The following ELMO1 variants were observed in gnomAD, a reference collection of about 807,000 sequenced individuals.
ELMO1 encodes engulfment and cell motility protein 1.
A neutral mutation model predicts 98.9 loss-of-function variants in ELMO1; 26 were observed. The observed-to-expected ratio is 0.26, with a 90% CI of 0.19 to 0.36. The LOEUF is 0.36. ELMO1 is among the 10% of genes least tolerant of loss of function. The pLI is 1.00. For missense variants in ELMO1, 627 were observed against 935.2 expected (o/e 0.67, Z 4.30); for synonymous variants, 346 against 346.0 (o/e 1.00, Z 0.00).
intron 1 of ELMO1, among the ~76,000 whole-genome samples, chr7:37,374,883 A>T (rs1319346393): frequency 6.6e-6 from 1 of 151,966 alleles, no homozygotes; most frequent in Non-Finnish European, 1.5e-5. Context: ...AAGATGGTGA[A>T]ACTACGTCTC....
intron 15 of ELMO1, among the ~76,000 whole-genome samples, chr7:37,039,325 C>T (rs762325350): frequency 1.2e-4 from 19 of 152,144 alleles, no homozygotes; most frequent in African/African-American, 1.7e-4. Context: ...GCTGCTTTGA[C>T]GCCTAGAAGC....
chr7:36,878,743 C>G (rs537291090), intron 18 of ELMO1, among the ~76,000 whole-genome samples: 232 of 152,334 alleles, frequency 1.5e-3, no homozygotes, highest in Non-Finnish European at 2.7e-3. Context: ...CTCCAATTCC[C>G]AGAATTTACT....
intron 1 of ELMO1, among the ~76,000 whole-genome samples, chr7:37,357,426 C>G (rs949029070): frequency 1.3e-5 from 2 of 152,128 alleles, no homozygotes; most frequent in Non-Finnish European, 2.9e-5. Context: ...CCAGCTGCCC[C>G]CCAGAAGCTG....
intron 16 of ELMO1, among the ~76,000 whole-genome samples, chr7:36,903,243 C>T (rs1320993386): frequency 3.9e-5 from 6 of 152,218 alleles, no homozygotes; most frequent in Non-Finnish European, 7.3e-5. Flanking sequence ...CTAGCCCCTG[C>T]TCATTTGTCA....
At chr7:37,328,214 A>G (rs1487293782) in intron 2 of ELMO1, among the ~76,000 whole-genome samples, 1 of 151,786 alleles carries the variant, frequency 6.6e-6, no homozygotes, top group East Asian at 1.9e-4. Context: ...AAACCTCATC[A>G]CTACAAAAAA....
At chr7:37,317,452 A>C (rs1799245329) in intron 2 of ELMO1, among the ~76,000 whole-genome samples, 1 of 152,248 alleles carries the variant, frequency 6.6e-6, no homozygotes, top group South Asian at 2.1e-4. Context: ...GAATGGATAA[A>C]GAAAATGTGG....
chr7:37,111,055 C>T, intron 14 of ELMO1, among the ~76,000 whole-genome samples: 1 of 152,222 alleles, frequency 6.6e-6, no homozygotes, highest in Admixed American at 6.5e-5. Context: ...TCAGCTGCCC[C>T]AGGACCATGT....
intron 7 of ELMO1, among the ~76,000 whole-genome samples, chr7:37,234,032 A>C (rs568118636): frequency 3.3e-5 from 5 of 152,258 alleles, no homozygotes; most frequent in South Asian, 2.1e-4. Context: ...TCAAAACAAC[A>C]CTTTAGCAGA....
chr7:36,944,414 C>A (rs892791908), intron 16 of ELMO1, among the ~76,000 whole-genome samples: 3 of 152,270 alleles, frequency 2.0e-5, no homozygotes, highest in South Asian at 2.1e-4. Flanking sequence ...AAGGAGTGCA[C>A]GATTCAAACT....
chr7:37,091,918 C>A (rs1389803417), intron 15 of ELMO1, among the ~76,000 whole-genome samples: 1 of 152,096 alleles, frequency 6.6e-6, no homozygotes, highest in Non-Finnish European at 1.5e-5. Flanking sequence ...ACAGGGGAAA[C>A]CACACTTACG....
intron 1 of ELMO1, among the ~76,000 whole-genome samples, chr7:37,385,486 G>A (rs1802761739): frequency 6.6e-6 from 1 of 152,206 alleles, no homozygotes; most frequent in African/African-American, 2.4e-5. Context: ...CCTCCTTAGA[G>A]AAGAGTGATT....
intron 15 of ELMO1, among the ~76,000 whole-genome samples, chr7:37,070,827 C>T (rs1797229638): frequency 1.3e-5 from 2 of 152,184 alleles, no homozygotes; most frequent in South Asian, 4.1e-4. Flanking sequence ...TGTATTTTCT[C>T]TTCTGGGACA....
intron 15 of ELMO1, among the ~76,000 whole-genome samples, chr7:37,043,382 G>A (rs757598011): frequency 1.3e-5 from 2 of 152,166 alleles, no homozygotes; most frequent in Non-Finnish European, 2.9e-5. Flanking sequence ...AAAATCACCT[G>A]CATTTAAGAA....
chr7:36,991,826 C>G (rs1317614033), intron 16 of ELMO1, among the ~76,000 whole-genome samples: 1 of 152,136 alleles, frequency 6.6e-6, no homozygotes, highest in Non-Finnish European at 1.5e-5. Context: ...TGGGCCTATG[C>G]TATAAAAGGC....
chr7:37,230,207 C>G (rs1308734402), intron 8 of ELMO1, among the ~76,000 whole-genome samples: 1 of 152,088 alleles, frequency 6.6e-6, no homozygotes, highest in African/African-American at 2.4e-5. Flanking sequence ...AAGAAAGCCA[C>G]GTTTCTGCCT....
chr7:37,350,460 G>C (rs1325416794), intron 1 of ELMO1, among the ~76,000 whole-genome samples: 1 of 152,208 alleles, frequency 6.6e-6, no homozygotes. Flanking sequence ...AGGAGTGGCA[G>C]ACAGGCGCCT....
chr7:36,941,237 T>G (rs1321721215), intron 16 of ELMO1, among the ~76,000 whole-genome samples: 1 of 152,248 alleles, frequency 6.6e-6, no homozygotes, highest in African/African-American at 2.4e-5. Flanking sequence ...TAAGGTATAT[T>G]CAGAAGTCAC....
chr7:37,014,436 A>T (rs1183753751), intron 15 of ELMO1, among the ~76,000 whole-genome samples: 1 of 152,078 alleles, frequency 6.6e-6, no homozygotes, highest in Non-Finnish European at 1.5e-5. Context: ...TTTTAAAAAA[A>T]ATATCACTTT....
chr7:37,170,809 G>T (rs1472733777), intron 13 of ELMO1, among the ~76,000 whole-genome samples: 1 of 152,054 alleles, frequency 6.6e-6, no homozygotes, highest in Non-Finnish European at 1.5e-5. Flanking sequence ...GTTTCAACAT[G>T]TTGGACAGAC....
Sources: gnomAD v4.1 joint callset for allele counts (sites outside exome capture counted in the v4.1 genomes callset) on GRCh38, gnomAD v4.1.1 for gene constraint, MANE v1.5 for transcripts, NCBI Gene and HGNC (gene_info 2026-07-23, HGNC 2026-07-21) for gene names.